MREG: variants seen among roughly 807,000 people sequenced by gnomAD.
MREG encodes the protein dilute suppressor protein homolog.
A neutral mutation model predicts 28.5 loss-of-function variants in MREG; 31 were observed. The ratio of observed to expected loss-of-function variants is 1.09; its 90% CI spans 0.82 to 1.47. MREG has a LOEUF of 1.47. Ranked by LOEUF, MREG falls within the 40% of genes most tolerant of loss-of-function variation. The probability of loss-of-function intolerance (pLI) is 0.00; values close to 1 mark genes in which losing one functional copy is unlikely to be tolerated. For missense variants in MREG, 256 were observed against 257.4 expected (o/e 0.99, Z 0.04); for synonymous variants, 106 against 95.2 (o/e 1.11, Z -0.66).
At chr2:216,009,613 T>C (rs1482816740) in intron 1 of MREG, among the ~76,000 whole-genome samples, 1 of 152,134 alleles carries the variant, frequency 6.6e-6, no homozygotes, top group Non-Finnish European at 1.5e-5. Context: ...AACACAAACA[T>C]GCTCAGGAGA....
intron 2 of MREG, among the ~76,000 whole-genome samples, chr2:215,979,330 GC>G (rs1388667421): frequency 1.3e-5 from 2 of 151,904 alleles, no homozygotes; most frequent in Non-Finnish European, 2.9e-5. Context: ...GGGCATGGTG[GC>G]GCATGCCTGT....
chr2:215,968,362 A>T (rs145425016), intron 2 of MREG, among the ~76,000 whole-genome samples: 1 of 152,330 alleles, frequency 6.6e-6, no homozygotes, highest in Admixed American at 6.5e-5. Context: ...TCGGCAGGAT[A>T]GTGATTTTTT....
intron 2 of MREG, among the ~76,000 whole-genome samples, chr2:215,985,281 G>A (rs1407558292): frequency 1.3e-5 from 2 of 152,220 alleles, no homozygotes; most frequent in Non-Finnish European, 2.9e-5. Context: ...AGCACGTTAT[G>A]TAAAGCACAA....
intron 1 of MREG, among the ~76,000 whole-genome samples, chr2:216,026,467 C>A (rs1049299796): frequency 1.3e-5 from 2 of 152,014 alleles, no homozygotes; most frequent in African/African-American, 4.8e-5. Flanking sequence ...GTCCAGCGAT[C>A]CTCCCGTCTC....
intron 2 of MREG, among the ~76,000 whole-genome samples, chr2:215,966,637 T>C (rs1276400638): frequency 6.7e-6 from 1 of 150,110 alleles, no homozygotes; most frequent in Non-Finnish European, 1.5e-5. Flanking sequence ...AGTCTCACTC[T>C]GTCATCCTGG....
chr2:215,962,276 A>C (rs961016105), intron 2 of MREG, among the ~76,000 whole-genome samples: 2 of 152,222 alleles, frequency 1.3e-5, no homozygotes, highest in Non-Finnish European at 2.9e-5. Flanking sequence ...GCAAAGCCAC[A>C]GGAAGGTGCC....
At chr2:215,952,614 T>C (rs6706510) in intron 2 of MREG, among the ~76,000 whole-genome samples, 100,238 of 151,992 alleles carry the variant, frequency 0.66, 33,287 homozygotes, top group Middle Eastern at 0.71. Context: ...CTAACAATAA[T>C]TTACATATAT....
At chr2:216,024,534 C>A (rs1041468316) in intron 1 of MREG, among the ~76,000 whole-genome samples, 1 of 151,644 alleles carries the variant, frequency 6.6e-6, no homozygotes, top group Non-Finnish European at 1.5e-5. Context: ...CAAGGGAGAG[C>A]AGAACCTGTC....
intron 2 of MREG, among the ~76,000 whole-genome samples, chr2:215,987,607 G>A (rs374961064): frequency 1.2e-4 from 19 of 152,240 alleles, no homozygotes; most frequent in Non-Finnish European, 2.4e-4. Flanking sequence ...GTGGAAGGGC[G>A]CAGTGGCTCA....
chr2:215,945,155 G>A (rs777011117), intron 4 of MREG, among the ~76,000 whole-genome samples, 158 bp from the exon 5 acceptor site: 6 of 152,164 alleles, frequency 3.9e-5, no homozygotes, highest in Non-Finnish European at 8.8e-5. Flanking sequence ...GTAGAGACAC[G>A]CCTTAATCCT....
At chr2:216,018,559 A>G (rs1477051227) in intron 1 of MREG, among the ~76,000 whole-genome samples, 1 of 152,224 alleles carries the variant, frequency 6.6e-6, no homozygotes, top group East Asian at 1.9e-4. Context: ...AGAAAAACGA[A>G]CAAGTAGCGT....
chr2:216,023,534 CT>C (rs1361972397), intron 1 of MREG, among the ~76,000 whole-genome samples: 2 of 152,116 alleles, frequency 1.3e-5, no homozygotes. Context: ...TTCATTTCAT[CT>C]TATTAAGCAT....
intron 2 of MREG, among the ~76,000 whole-genome samples, chr2:215,962,298 A>T (rs1692812395): frequency 6.6e-6 from 1 of 152,200 alleles, no homozygotes; most frequent in Non-Finnish European, 1.5e-5. Context: ...CTAAGCAATA[A>T]GATTCGAGCT....
At chr2:215,941,134 C>T (rs184404280), downstream of MREG, among the ~76,000 whole-genome samples, 1 of 151,804 alleles carries the variant, frequency 6.6e-6, no homozygotes, top group East Asian at 2.0e-4. Flanking sequence ...TATGATAAGG[C>T]TCAACATTCC....
At chr2:215,961,655 G>A (rs569996112) in intron 2 of MREG, among the ~76,000 whole-genome samples, 9 of 152,250 alleles carry the variant, frequency 5.9e-5, no homozygotes, top group African/African-American at 2.2e-4. Flanking sequence ...TTGAACTCCT[G>A]ACCTCAAATG....
downstream of MREG, among the ~76,000 whole-genome samples, chr2:215,940,995 C>G (rs903961950): frequency 6.6e-6 from 1 of 152,210 alleles, no homozygotes; most frequent in Admixed American, 6.5e-5. Flanking sequence ...TTAGTCTATT[C>G]TAGCCAAGGT....
chr2:216,032,302 G>C (rs1453578224), intron 1 of MREG, among the ~76,000 whole-genome samples: 1 of 152,282 alleles, frequency 6.6e-6, no homozygotes, highest in East Asian at 1.9e-4. Flanking sequence ...AGAGAAACAA[G>C]GAATATTGTT....
rs67462853 is a variant in MREG, at chr2:215,949,035, TCTACTACTACTA to T, written c.256-1934_256-1923del. On this transcript the variant is annotated intron_variant, in intron 2 of 4. Transcript: ENST00000263268. Reference sequence around the variant, plus strand: ...CTGGCCAGCATGGCAAAACCCTGTCTCTACTACTACTACTACTACTACTACTACTACTACTAC... The same window carrying T: ...CTGGCCAGCATGGCAAAACCCTGTCTCTACTACTACTACTACTACTACTAC... Among the ~76,000 whole-genome samples the T allele has an allele frequency of 1.9e-3, 243 of 131,056 alleles. 4 individuals carry two copies. The East Asian group carries it at 0.023, about 13-fold the overall frequency. 86.0% of individuals were successfully genotyped at this position (131,056 alleles called of 152,430 possible).
chr2:215,947,146 A>G lies in MREG; in HGVS notation c.256-33T>C, dbSNP rs1692345613. The G allele has an allele frequency of 3.5e-6, 5 of 1,442,534 alleles. No homozygotes were observed. In the South Asian group the frequency reaches 4.8e-5, roughly 14 times the overall value. The allele number at this position is 1,442,534 out of a possible 1,614,324, so 89.4% of individuals were successfully genotyped here. On this transcript the variant is annotated intron_variant, in intron 2 of 4. Coordinates refer to ENST00000263268, the MANE Select transcript of MREG (RefSeq NM_018000.3). ...AAAATAAAAGTTTAGTTTTATTTAT[A>G]CCCCTTGGCTTAAACCTCTATCTCA...
Sources: allele counts gnomAD v4.1 joint callset (sites outside exome capture counted in the v4.1 genomes callset), GRCh38; gene constraint gnomAD v4.1.1; transcripts MANE v1.5; gene names NCBI Gene and HGNC (gene_info 2026-07-23, HGNC 2026-07-21).